ATRNL1: variants seen among roughly 807,000 people sequenced by gnomAD.
ATRNL1 encodes attractin-like protein 1.
ATRNL1 carries 95 observed loss-of-function variants against 182.7 expected under a neutral mutation model. The ratio of observed to expected loss-of-function variants is 0.52; its 90% CI spans 0.44 to 0.62. The LOEUF (loss-of-function observed/expected upper bound fraction) is 0.62. Ranked by LOEUF, ATRNL1 falls within the 20% of genes least tolerant of loss-of-function variation. The probability of loss-of-function intolerance (pLI) is 0.00; values close to 1 mark genes in which losing one functional copy is unlikely to be tolerated. For missense variants in ATRNL1, 1,471 were observed against 1,679.5 expected, an observed-to-expected ratio of 0.88 and a Z score of 2.17; for synonymous variants, 576 against 568.3, an observed-to-expected ratio of 1.01 and a Z score of -0.19.
At chr10:115,317,880 C>A (rs545451929) in intron 18 of ATRNL1, among the ~76,000 whole-genome samples, 8 of 152,062 alleles carry the variant, frequency 5.3e-5, no homozygotes, top group Non-Finnish European at 8.8e-5. Flanking sequence ...GTTTGAATAC[C>A]CTTTATTTCT....
At chr10:115,166,047 A>G (rs929774735) in intron 7 of ATRNL1, among the ~76,000 whole-genome samples, 2 of 152,088 alleles carry the variant, frequency 1.3e-5, no homozygotes, top group African/African-American at 2.4e-5. Flanking sequence ...AACTGAAGCA[A>G]TAACTTCTCA....
chr10:115,239,969 A>G (rs183938578), intron 9 of ATRNL1, among the ~76,000 whole-genome samples: 160 of 152,086 alleles, frequency 1.1e-3, no homozygotes, highest in African/African-American at 3.7e-3. Context: ...AAGGAGCCTT[A>G]TGTTCTTGGC....
At chr10:115,579,700 T>C (rs1854950023) in intron 26 of ATRNL1, among the ~76,000 whole-genome samples, 1 of 151,956 alleles carries the variant, frequency 6.6e-6, no homozygotes, top group South Asian at 2.1e-4. Context: ...TTTTATTGGG[T>C]AGCTTAAACC....
intron 25 of ATRNL1, among the ~76,000 whole-genome samples, chr10:115,530,141 T>G (rs2045556782): frequency 6.6e-6 from 1 of 152,186 alleles, no homozygotes; most frequent in African/African-American, 2.4e-5. Context: ...GTTATTTGAG[T>G]TCTTTCTTCT....
At chr10:115,323,651 C>T (rs1428667359) in intron 18 of ATRNL1, among the ~76,000 whole-genome samples, 2 of 152,026 alleles carry the variant, frequency 1.3e-5, no homozygotes, top group Non-Finnish European at 2.9e-5. Context: ...GCTGTGTTGG[C>T]CAGGCTGTCC....
intron 17 of ATRNL1, among the ~76,000 whole-genome samples, chr10:115,310,243 T>C (rs529448858): frequency 8.5e-5 from 13 of 152,316 alleles, no homozygotes; most frequent in Admixed American, 8.5e-4. Flanking sequence ...TGGATTCAGC[T>C]TGCTAGTATT....
At chr10:115,314,216 G>A (rs1337389265) in intron 17 of ATRNL1, among the ~76,000 whole-genome samples, 2 of 152,080 alleles carry the variant, frequency 1.3e-5, no homozygotes, top group South Asian at 2.1e-4. Context: ...AATACAGGAG[G>A]TGATACGTAC....
At chr10:115,392,185 A>G (rs987004919) in intron 19 of ATRNL1, among the ~76,000 whole-genome samples, 1 of 152,134 alleles carries the variant, frequency 6.6e-6, no homozygotes. Flanking sequence ...TAAAATCACC[A>G]CCATAATCTT....
intron 20 of ATRNL1, among the ~76,000 whole-genome samples, chr10:115,410,859 T>A (rs1408296371): frequency 1.3e-5 from 2 of 152,086 alleles, no homozygotes; most frequent in African/African-American, 4.8e-5. Flanking sequence ...TGTCTCAGCC[T>A]CCTGAGTAGC....
chr10:115,172,637 A>G (rs925555474), intron 8 of ATRNL1, among the ~76,000 whole-genome samples: 1 of 151,864 alleles, frequency 6.6e-6, no homozygotes, highest in Admixed American at 6.6e-5. Context: ...TGATCTCTCC[A>G]GCTTACTGTT....
intron 1 of ATRNL1, among the ~76,000 whole-genome samples, chr10:115,118,511 T>C (rs1000279445): frequency 6.6e-6 from 1 of 152,248 alleles, no homozygotes; most frequent in South Asian, 2.1e-4. Context: ...TTTCTGCTGC[T>C]CAGATGACTC....
chr10:115,888,208 T>G (rs1450320071), intron 28 of ATRNL1, among the ~76,000 whole-genome samples: 1 of 152,212 alleles, frequency 6.6e-6, no homozygotes, highest in Non-Finnish European at 1.5e-5. Context: ...AGATTGTAGC[T>G]CAATCATTTC....
intron 8 of ATRNL1, among the ~76,000 whole-genome samples, chr10:115,186,147 C>T (rs1422072335): frequency 1.3e-5 from 2 of 151,680 alleles, no homozygotes; most frequent in Non-Finnish European, 2.9e-5. Flanking sequence ...TAAAACAACC[C>T]GATTAAAAAA....
chr10:115,587,581 G>C (rs868977634), intron 26 of ATRNL1, among the ~76,000 whole-genome samples: 1 of 132,272 alleles, frequency 7.6e-6, no homozygotes, highest in African/African-American at 2.5e-5. Context: ...GACCCCTTGC[G>C]CTTCCCGAGT....
intron 27 of ATRNL1, among the ~76,000 whole-genome samples, chr10:115,729,989 G>A (rs1357820099): frequency 6.6e-6 from 1 of 151,794 alleles, no homozygotes; most frequent in Non-Finnish European, 1.5e-5. Context: ...CAGCATGGTG[G>A]CTCACTCCTG....
intron 19 of ATRNL1, among the ~76,000 whole-genome samples, chr10:115,366,228 ATAGT>A (rs1554945879): frequency 6.6e-6 from 1 of 152,050 alleles, no homozygotes; most frequent in African/African-American, 2.4e-5. Flanking sequence ...TATATTTAGG[ATAGT>A]TAGCTCTTCT....
rs1477067102 is a variant in ATRNL1 at position 115,394,759 on chromosome 10, A to T, written c.3269+7A>T. The T allele has an allele frequency of 1.3e-6, 2 of 1,573,694 alleles. No homozygotes were observed. The highest frequency in any genetic ancestry group is 1.4e-5 in the African/African-American group (1 of 72,798). ...AAGGTGACCAATGCCAATTGTAAGT[A>T]AGAATGACTTTTTAGAACTTTCGTG... On this transcript the variant is annotated splice_region_variant and intron_variant, in intron 20 of 28. Transcript: ENST00000355044.
intron 28 of ATRNL1, among the ~76,000 whole-genome samples, chr10:115,860,070 G>T (rs782498359): frequency 3.3e-5 from 5 of 152,124 alleles, no homozygotes; most frequent in Non-Finnish European, 7.4e-5. Flanking sequence ...AAAAGCACTG[G>T]AAAAAATATG....
intron 7 of ATRNL1, among the ~76,000 whole-genome samples, chr10:115,170,491 A>C (rs1847245467): frequency 6.6e-6 from 1 of 152,070 alleles, no homozygotes; most frequent in South Asian, 2.1e-4. Flanking sequence ...ATGATGCACA[A>C]ATGTGATATG....
Sources: gnomAD v4.1 joint callset for allele counts (sites outside exome capture counted in the v4.1 genomes callset) on GRCh38, gnomAD v4.1.1 for gene constraint, MANE v1.5 for transcripts, NCBI Gene and HGNC (gene_info 2026-07-23, HGNC 2026-07-21) for gene names.